The following CNTNAP2 variants were observed in gnomAD, a reference collection of about 807,000 sequenced individuals.
CNTNAP2 encodes contactin associated protein 2, also known as contactin-associated protein-like 2.
In CNTNAP2, 98 loss-of-function variants were observed where a neutral mutation model predicts 155.2. That is an observed-to-expected ratio of 0.63 (90% CI 0.54 to 0.75). CNTNAP2 has a LOEUF of 0.75. Ranked by LOEUF, CNTNAP2 falls within the 30% of genes least tolerant of loss-of-function variation. CNTNAP2 has a pLI of 0.00. For missense variants in CNTNAP2, 1,727 were observed against 1,688.1 expected, an observed-to-expected ratio of 1.02 and a Z score of -0.40; for synonymous variants, 651 against 631.2, an observed-to-expected ratio of 1.03 and a Z score of -0.47.
intron 15 of CNTNAP2, among the ~76,000 whole-genome samples, chr7:148,055,592 G>A (rs1041596079): frequency 1.3e-5 from 2 of 152,140 alleles, no homozygotes; most frequent in Non-Finnish European, 1.5e-5. Context: ...GCAGAACCTA[G>A]TGAGATCTAA....
intron 3 of CNTNAP2, among the ~76,000 whole-genome samples, chr7:146,867,710 A>G (rs1451407844): frequency 6.6e-6 from 1 of 151,636 alleles, no homozygotes. Flanking sequence ...CATTGTAGCC[A>G]TTCTGACTGG....
chr7:146,963,780 T>G (rs1382532483), intron 3 of CNTNAP2, among the ~76,000 whole-genome samples: 1 of 152,208 alleles, frequency 6.6e-6, no homozygotes, highest in Non-Finnish European at 1.5e-5. Context: ...ACTAAGCAAT[T>G]AAAGCATTGC....
intron 15 of CNTNAP2, among the ~76,000 whole-genome samples, chr7:148,065,154 G>T (rs563187340): frequency 3.3e-5 from 5 of 152,122 alleles, no homozygotes; most frequent in Non-Finnish European, 7.4e-5. Context: ...GTCTGAGAAA[G>T]TACTTGATAT....
chr7:147,904,900 T>TACACACACACACACAC (rs58242194), intron 14 of CNTNAP2, among the ~76,000 whole-genome samples: 4 of 149,086 alleles, frequency 2.7e-5, no homozygotes, highest in Non-Finnish European at 5.9e-5. Context: ...AAGATGTATC[T>TACACACACACACACAC]ACACACACAC....
intron 22 of CNTNAP2, among the ~76,000 whole-genome samples, chr7:148,407,428 G>A (rs1165039872): frequency 6.6e-6 from 1 of 152,162 alleles, no homozygotes; most frequent in East Asian, 1.9e-4. Flanking sequence ...AATTGGCCGG[G>A]CATGGTGGCT....
chr7:146,728,567 A>G (rs1801471782), intron 1 of CNTNAP2, among the ~76,000 whole-genome samples: 2 of 151,708 alleles, frequency 1.3e-5, no homozygotes, highest in Admixed American at 1.3e-4. Context: ...ATCAGGTTGT[A>G]CACCGTAAAT....
chr7:146,476,982 T>G (rs1240496289), intron 1 of CNTNAP2, among the ~76,000 whole-genome samples: 1 of 152,228 alleles, frequency 6.6e-6, no homozygotes, highest in Non-Finnish European at 1.5e-5. Flanking sequence ...TCTTATTTTT[T>G]TTAAAGTAAG....
chr7:146,911,981 C>G (rs1160756274), intron 3 of CNTNAP2, among the ~76,000 whole-genome samples: 1 of 151,966 alleles, frequency 6.6e-6, no homozygotes, highest in Non-Finnish European at 1.5e-5. Context: ...GATTAAGAGG[C>G]ATTTTTATAG....
intron 18 of CNTNAP2, among the ~76,000 whole-genome samples, chr7:148,209,409 C>T (rs1795506379): frequency 6.6e-6 from 1 of 151,726 alleles, no homozygotes; most frequent in Non-Finnish European, 1.5e-5. Flanking sequence ...GCTGGGATTA[C>T]CGTGTGAGCC....
chr7:146,990,516 T>C (rs983146773), intron 3 of CNTNAP2, among the ~76,000 whole-genome samples: 12 of 152,158 alleles, frequency 7.9e-5, no homozygotes, highest in African/African-American at 2.9e-4. Context: ...GGTTTTAAGA[T>C]TGTTTCATTT....
At chr7:148,227,939 G>T (rs1795885803) in intron 19 of CNTNAP2, among the ~76,000 whole-genome samples, 1 of 150,140 alleles carries the variant, frequency 6.7e-6, no homozygotes, top group Non-Finnish European at 1.5e-5. Flanking sequence ...GTGTGTGAAA[G>T]TCTGGAAGGA....
chr7:146,724,171 C>A (rs1801388345), intron 1 of CNTNAP2, among the ~76,000 whole-genome samples: 1 of 152,102 alleles, frequency 6.6e-6, no homozygotes, highest in Non-Finnish European at 1.5e-5. Context: ...TCACTTATTG[C>A]CAATTTGCTA....
intron 22 of CNTNAP2, among the ~76,000 whole-genome samples, chr7:148,400,489 C>T (rs1314414119): frequency 6.6e-6 from 1 of 152,160 alleles, no homozygotes; most frequent in Non-Finnish European, 1.5e-5. Context: ...CACTGTTAAC[C>T]AAGTGCTCCA....
intron 8 of CNTNAP2, among the ~76,000 whole-genome samples, chr7:147,296,358 T>C (rs780214177): frequency 1.6e-4 from 25 of 152,200 alleles, no homozygotes; most frequent in Non-Finnish European, 2.8e-4. Flanking sequence ...TCCTTGGGAA[T>C]ACCCAAAGGG....
intron 1 of CNTNAP2, among the ~76,000 whole-genome samples, chr7:146,741,632 C>T (rs571080631): frequency 1.2e-4 from 18 of 152,032 alleles, no homozygotes; most frequent in African/African-American, 3.6e-4. Context: ...AGGGAATTTT[C>T]GATGGGAAAA....
chr7:146,239,876 A>C (rs1799531639), intron 1 of CNTNAP2, among the ~76,000 whole-genome samples: 1 of 152,180 alleles, frequency 6.6e-6, no homozygotes, highest in African/African-American at 2.4e-5. Flanking sequence ...ATATGTATTA[A>C]TCTTTCTTGT....
intron 13 of CNTNAP2, among the ~76,000 whole-genome samples, chr7:147,765,201 T>C (rs1484869880): frequency 1.3e-5 from 2 of 152,184 alleles, no homozygotes; most frequent in Non-Finnish European, 2.9e-5. Context: ...TATGATATTT[T>C]ATCATACTCA....
At chr7:147,677,084 G>C (rs1461135081) in intron 13 of CNTNAP2, among the ~76,000 whole-genome samples, 1 of 135,472 alleles carries the variant, frequency 7.4e-6, no homozygotes, top group Non-Finnish European at 1.6e-5. Flanking sequence ...TTTTTTTTTT[G>C]AGGAACCTCC....
chr7:147,646,708 CAATT>C (rs1795370065), intron 13 of CNTNAP2, among the ~76,000 whole-genome samples: 1 of 152,036 alleles, frequency 6.6e-6, no homozygotes, highest in Non-Finnish European at 1.5e-5. Context: ...TAAGCGCAGA[CAATT>C]AAATACTCCT....
Sources: gnomAD v4.1 joint callset for allele counts (sites outside exome capture counted in the v4.1 genomes callset) on GRCh38, gnomAD v4.1.1 for gene constraint, MANE v1.5 for transcripts, NCBI Gene and HGNC (gene_info 2026-07-23, HGNC 2026-07-21) for gene names.